FBXL17: variants seen among roughly 807,000 people sequenced by gnomAD.
FBXL17 encodes F-box and leucine rich repeat protein 17.
FBXL17 carries 22 observed loss-of-function variants against 66.2 expected under a neutral mutation model. The ratio of observed to expected loss-of-function variants is 0.33; its 90% CI spans 0.24 to 0.47. The LOEUF (loss-of-function observed/expected upper bound fraction) is 0.47, where lower values mean the gene tolerates loss of function less well. Ranked by LOEUF, FBXL17 falls within the 20% of genes least tolerant of loss-of-function variation. FBXL17 has a pLI of 1.00. For synonymous variants in FBXL17, 474 were observed against 400.5 expected (o/e 1.18, Z -2.19); for missense variants, 878 against 948.2 (o/e 0.93, Z 0.97).
At chr5:107,926,091 A>T (rs1580718050) in intron 7 of FBXL17, among the ~76,000 whole-genome samples, 6 of 152,330 alleles carry the variant, frequency 3.9e-5, no homozygotes, top group Admixed American at 3.9e-4. Context: ...ATAGTACTGA[A>T]GGCACAGACT....
intron 5 of FBXL17, among the ~76,000 whole-genome samples, chr5:108,207,464 T>C (rs1056617964): frequency 6.6e-6 from 1 of 152,090 alleles, no homozygotes; most frequent in African/African-American, 2.4e-5. Flanking sequence ...TTTCTCCTAA[T>C]GTTATCCCTT....
At chr5:108,050,066 A>G (rs1747411259) in intron 6 of FBXL17, among the ~76,000 whole-genome samples, 1 of 152,222 alleles carries the variant, frequency 6.6e-6, no homozygotes, top group Admixed American at 6.5e-5. Context: ...TACCCAATAC[A>G]GGAGCACCCA....
intron 7 of FBXL17, among the ~76,000 whole-genome samples, chr5:107,893,495 T>C (rs1200474890): frequency 5.9e-5 from 9 of 152,218 alleles, no homozygotes; most frequent in Admixed American, 1.3e-4. Flanking sequence ...TTGAAAAGTC[T>C]GTAAAAACAA....
At chr5:107,941,639 A>C (rs1247355567) in intron 7 of FBXL17, among the ~76,000 whole-genome samples, 2 of 152,200 alleles carry the variant, frequency 1.3e-5, no homozygotes, top group Admixed American at 6.5e-5. Context: ...TTCCATTAAC[A>C]CAAGACTTGG....
intron 6 of FBXL17, among the ~76,000 whole-genome samples, chr5:108,104,203 T>C (rs1274119606): frequency 6.6e-6 from 1 of 152,082 alleles, no homozygotes; most frequent in Admixed American, 6.5e-5. Flanking sequence ...GCCTGGATAA[T>C]TTTTTGTACT....
intron 6 of FBXL17, among the ~76,000 whole-genome samples, chr5:108,150,906 G>A (rs1440671756): frequency 6.6e-6 from 1 of 152,134 alleles, no homozygotes. Context: ...AATATTTTGA[G>A]ACTACAAAAT....
chr5:108,077,790 C>A (rs1748611136), intron 6 of FBXL17, among the ~76,000 whole-genome samples: 1 of 152,028 alleles, frequency 6.6e-6, no homozygotes, highest in African/African-American at 2.4e-5. Flanking sequence ...GGGTACAAGT[C>A]TCCAAATTAA....
rs577434624 is a variant in FBXL17, at chr5:108,371,371, A to G, written c.994-3418T>C. Among the ~76,000 whole-genome samples the G allele has an allele frequency of 2.0e-5, 3 of 152,360 alleles. No individual in the cohort carries two copies. In the South Asian group the frequency reaches 6.2e-4, roughly 32 times the overall value. On this transcript the variant is annotated intron_variant, in intron 1 of 8. Transcript: ENST00000542267. ...ACTACACAGCAGCACAGGTGGCTGTATCTCTGAGAGAAACTCCATCTTTCT... is the reference window on the plus strand; with the variant it reads ...ACTACACAGCAGCACAGGTGGCTGTGTCTCTGAGAGAAACTCCATCTTTCT...
chr5:108,203,469 G>T (rs1753984956), intron 5 of FBXL17, among the ~76,000 whole-genome samples: 1 of 152,046 alleles, frequency 6.6e-6, no homozygotes, highest in Non-Finnish European at 1.5e-5. Context: ...CTCAACACTT[G>T]ATTTTTGGCT....
In FBXL17 at chr5:108,238,453, T is replaced by C. The variant is rs60630545; in HGVS notation, c.1507-14225A>G. Among the ~76,000 whole-genome samples the C allele has an allele frequency of 2.2e-3, 334 of 152,330 alleles. 2 individuals are homozygous for C. The highest frequency in any genetic ancestry group is 6.8e-3 in the Middle Eastern group (2 of 294). On this transcript the variant is annotated intron_variant, in intron 4 of 8. Transcript: ENST00000542267. ...ACATGTTAAACATCTATTTCAAGTG[T>C]GATCACTGTATTAAAATGGTCATTT...
At chr5:107,932,858 C>A (rs1750776782) in intron 7 of FBXL17, among the ~76,000 whole-genome samples, 2 of 135,722 alleles carry the variant, frequency 1.5e-5, no homozygotes, top group Non-Finnish European at 3.3e-5. Flanking sequence ...AACCAACGAG[C>A]CAGCTAAGAA....
chr5:108,098,700 G>A lies in FBXL17; in HGVS notation c.1746-77699C>T, dbSNP rs748905635. On this transcript the variant is annotated intron_variant, in intron 6 of 8. Coordinates refer to ENST00000542267, the MANE Select transcript of FBXL17 (RefSeq NM_001163315.3). Reference sequence around the variant, plus strand: ...GCGGCGCTTGCAATGAGCCAAGATCGTGCTGCTGCACTCCAGCCTGGGCAA... The same window carrying A: ...GCGGCGCTTGCAATGAGCCAAGATCATGCTGCTGCACTCCAGCCTGGGCAA... Among the ~76,000 whole-genome samples the A allele has an allele frequency of 1.7e-4, 25 of 145,128 alleles. 1 individual carries two copies. In the South Asian group the frequency reaches 3.1e-3, roughly 18 times the overall value.
chr5:108,328,125 T>A (rs1759943487), intron 4 of FBXL17, among the ~76,000 whole-genome samples: 1 of 152,152 alleles, frequency 6.6e-6, no homozygotes, highest in Non-Finnish European at 1.5e-5. Flanking sequence ...TGTCACTGTG[T>A]GTCCCTTTGT....
chr5:108,361,222 T>C lies in FBXL17; in HGVS notation c.1374+3516A>G, dbSNP rs192497700. On this transcript the variant is annotated intron_variant, in intron 3 of 8. Coordinates refer to ENST00000542267, the MANE Select transcript of FBXL17 (RefSeq NM_001163315.3). Reference sequence around the variant, plus strand: ...ATTATAATGTGGTAACTTGGGAAATTAGATTCTCCCCACTTCCCTACGCTT... The same window carrying C: ...ATTATAATGTGGTAACTTGGGAAATCAGATTCTCCCCACTTCCCTACGCTT... Among the ~76,000 whole-genome samples, 430 of 152,276 alleles carry C rather than the reference T, an allele frequency of 2.8e-3. 3 individuals are homozygous for C. The highest frequency in any genetic ancestry group is 9.6e-3 in the African/African-American group (398 of 41,554).
At chr5:108,047,607 A>G (rs1028701935) in intron 6 of FBXL17, among the ~76,000 whole-genome samples, 1 of 152,164 alleles carries the variant, frequency 6.6e-6, no homozygotes, top group African/African-American at 2.4e-5. Context: ...CCCTTGCTGG[A>G]GCCAGGGAGG....
At chr5:107,931,558 T>G (rs1026243992) in intron 7 of FBXL17, among the ~76,000 whole-genome samples, 1 of 61,530 alleles carries the variant, frequency 1.6e-5, no homozygotes, top group Non-Finnish European at 4.3e-5. Flanking sequence ...GGCTGAGAAT[T>G]TTTTTTTTAA....
At chr5:108,002,323 C>T (rs910385596) in intron 7 of FBXL17, among the ~76,000 whole-genome samples, 6 of 151,754 alleles carry the variant, frequency 4.0e-5, no homozygotes, top group Non-Finnish European at 7.4e-5. Context: ...CGCGCCCAGT[C>T]GTCTCTTATA....
At chr5:107,880,022 T>A (rs1007125987) in intron 8 of FBXL17, 2 of 580,870 alleles carry the variant, frequency 3.4e-6, no homozygotes, top group Non-Finnish European at 4.3e-6. Context: ...AAACATGGAA[T>A]AAACAAAGAA....
intron 7 of FBXL17, among the ~76,000 whole-genome samples, chr5:107,941,694 A>G (rs183304318): frequency 2.1e-4 from 32 of 152,290 alleles, no homozygotes; most frequent in Admixed American, 2.0e-3. Context: ...AGAGATATAG[A>G]AAGAGAAACT....
Sources: gnomAD v4.1 joint callset for allele counts (sites outside exome capture counted in the v4.1 genomes callset) on GRCh38, gnomAD v4.1.1 for gene constraint, MANE v1.5 for transcripts, NCBI Gene and HGNC (gene_info 2026-07-23, HGNC 2026-07-21) for gene names.